The following PARD3 variants were observed in gnomAD, a reference collection of about 807,000 sequenced individuals.
PARD3 encodes par-3 family cell polarity regulator, also known as partitioning defective 3 homolog.
In PARD3, 75 loss-of-function variants were observed where a neutral mutation model predicts 155.4. The observed-to-expected ratio is 0.48, with a 90% confidence interval of 0.40 to 0.58. The LOEUF is 0.58. Among genes scored for constraint, PARD3 ranks in the 20% least tolerant of loss-of-function variants. The probability of loss-of-function intolerance (pLI) is 0.00; values close to 1 mark genes in which losing one functional copy is unlikely to be tolerated. For missense variants in PARD3, 1,642 were observed against 1,721.7 expected (o/e 0.95, Z 0.82); for synonymous variants, 576 against 610.5 (o/e 0.94, Z 0.83).
intron 2 of PARD3, among the ~76,000 whole-genome samples, chr10:34,574,720 G>A (rs2086753008): frequency 6.6e-6 from 1 of 152,120 alleles, no homozygotes; most frequent in Non-Finnish European, 1.5e-5. Context: ...GAGAACCACG[G>A]AACCAAGATA....
chr10:34,730,455 A>G (rs2094796679), intron 1 of PARD3, among the ~76,000 whole-genome samples: 1 of 152,186 alleles, frequency 6.6e-6, no homozygotes, highest in Admixed American at 6.5e-5. Flanking sequence ...AGGGGAAATC[A>G]ATTTTTAAAA....
At chr10:34,585,485 T>C (rs1207480635) in intron 2 of PARD3, among the ~76,000 whole-genome samples, 3 of 152,112 alleles carry the variant, frequency 2.0e-5, no homozygotes, top group African/African-American at 7.2e-5. Flanking sequence ...GCTAATTCTT[T>C]ACTATTTCTA....
At chr10:34,487,357 G>C (rs978266732) in intron 3 of PARD3, among the ~76,000 whole-genome samples, 2 of 151,640 alleles carry the variant, frequency 1.3e-5, no homozygotes, top group African/African-American at 4.8e-5. Flanking sequence ...TTTTAATCCA[G>C]CAAAGGACAC....
intron 2 of PARD3, among the ~76,000 whole-genome samples, chr10:34,544,393 T>G (rs899825200): frequency 6.6e-6 from 1 of 152,176 alleles, no homozygotes; most frequent in African/African-American, 2.4e-5. Flanking sequence ...TAAAAAACAA[T>G]TCAAATTTAA....
intron 3 of PARD3, among the ~76,000 whole-genome samples, chr10:34,479,596 C>T (rs925520114): frequency 6.6e-6 from 1 of 152,142 alleles, no homozygotes; most frequent in Non-Finnish European, 1.5e-5. Flanking sequence ...TTCTTATCAC[C>T]CAATGTTTAG....
intron 22 of PARD3, among the ~76,000 whole-genome samples, chr10:34,200,950 C>T (rs1326163164): frequency 6.6e-6 from 1 of 152,204 alleles, no homozygotes; most frequent in Non-Finnish European, 1.5e-5. Flanking sequence ...TGGCAACCCC[C>T]TGCCCCCCAC....
At chr10:34,169,388 A>G (rs1245368609) in intron 22 of PARD3, among the ~76,000 whole-genome samples, 1 of 152,228 alleles carries the variant, frequency 6.6e-6, no homozygotes, top group African/African-American at 2.4e-5. Flanking sequence ...AGATGACAAA[A>G]GAAGCTGGAT....
At chr10:34,279,885 A>G (rs1465752243) in intron 21 of PARD3, among the ~76,000 whole-genome samples, 1 of 152,228 alleles carries the variant, frequency 6.6e-6, no homozygotes, top group Non-Finnish European at 1.5e-5. Flanking sequence ...ATTTATAAAT[A>G]TTCCTTCTAT....
intron 22 of PARD3, among the ~76,000 whole-genome samples, chr10:34,170,659 G>T (rs1241483988): frequency 6.6e-6 from 1 of 152,166 alleles, no homozygotes; most frequent in African/African-American, 2.4e-5. Flanking sequence ...AAGGAAAGAG[G>T]CAGCTGATGC....
chr10:34,585,182 G>A (rs1490317741), intron 2 of PARD3, among the ~76,000 whole-genome samples: 1 of 152,056 alleles, frequency 6.6e-6, no homozygotes, highest in East Asian at 1.9e-4. Flanking sequence ...TTACACACTT[G>A]ACATTTCTTT....
intron 12 of PARD3, among the ~76,000 whole-genome samples, chr10:34,364,436 T>C (rs927820368): frequency 3.4e-5 from 5 of 148,518 alleles, no homozygotes; most frequent in African/African-American, 9.8e-5. Flanking sequence ...AGAATTATCT[T>C]TTTTTTTTTT....
intron 3 of PARD3, among the ~76,000 whole-genome samples, chr10:34,493,506 C>T (rs527394617): frequency 1.3e-5 from 2 of 152,028 alleles, no homozygotes; most frequent in Admixed American, 6.6e-5. Flanking sequence ...CCACGGCAGG[C>T]GGATCACCTG....
chr10:34,717,755 A>G (rs1564541327), intron 1 of PARD3, among the ~76,000 whole-genome samples: 1 of 152,210 alleles, frequency 6.6e-6, no homozygotes, highest in Non-Finnish European at 1.5e-5. Context: ...GGTGCACACC[A>G]CCAGTGAATT....
chr10:34,322,798 G>GA (rs1958457398), intron 19 of PARD3, among the ~76,000 whole-genome samples: 1 of 152,142 alleles, frequency 6.6e-6, no homozygotes, highest in Non-Finnish European at 1.5e-5. Context: ...ACAATATGAA[G>GA]AACTGCCCTT....
intron 20 of PARD3, among the ~76,000 whole-genome samples, chr10:34,302,681 T>C (rs577355293): frequency 2.0e-5 from 3 of 152,340 alleles, no homozygotes; most frequent in Admixed American, 2.0e-4. Context: ...TAGGATGTAT[T>C]TCTTCTTACA....
chr10:34,768,435 G>C (rs1216302296), intron 1 of PARD3, among the ~76,000 whole-genome samples: 1 of 152,188 alleles, frequency 6.6e-6, no homozygotes, highest in Non-Finnish European at 1.5e-5. Flanking sequence ...AGTTGGGAAG[G>C]GGCTTCCAGG....
intron 2 of PARD3, among the ~76,000 whole-genome samples, chr10:34,678,375 A>C (rs947030539): frequency 2.6e-5 from 4 of 152,176 alleles, no homozygotes; most frequent in African/African-American, 7.2e-5. Context: ...TGCCTGGCCC[A>C]AAGTATTTTT....
chr10:34,179,431 T>A (rs2133183362), intron 22 of PARD3, among the ~76,000 whole-genome samples: 1 of 152,296 alleles, frequency 6.6e-6, no homozygotes, highest in East Asian at 1.9e-4. Flanking sequence ...GATACCTGAG[T>A]GTTTCAGTGG....
chr10:34,696,253 C>A (rs1355553024), intron 2 of PARD3, 65 bp downstream of exon 2: 3 of 830,730 alleles, frequency 3.6e-6, no homozygotes, highest in South Asian at 1.5e-5. Flanking sequence ...AAGAATCGCA[C>A]CCGCTCCCTA....
Sources: allele counts gnomAD v4.1 joint callset (sites outside exome capture counted in the v4.1 genomes callset), GRCh38; gene constraint gnomAD v4.1.1; transcripts MANE v1.5; gene names NCBI Gene and HGNC (gene_info 2026-07-23, HGNC 2026-07-21).